The following RNF128 variants were observed in gnomAD, a reference collection of about 807,000 sequenced individuals.
The protein encoded by RNF128 is E3 ubiquitin-protein ligase RNF128.
In RNF128, 13 loss-of-function variants were observed where a neutral mutation model predicts 26.2. The observed-to-expected ratio is 0.50, with a 90% CI of 0.32 to 0.79. RNF128 has a LOEUF of 0.79. Ranked by LOEUF, RNF128 falls within the 30% of genes least tolerant of loss-of-function variation. RNF128 has a pLI of 0.03. For missense variants in RNF128, 315 were observed against 349.7 expected, an observed-to-expected ratio of 0.90 and a Z score of 0.79; for synonymous variants, 149 against 142.5, an observed-to-expected ratio of 1.05 and a Z score of -0.32.
chrX:106,771,498 T>TCA (rs1930369829), intron 1 of RNF128, among the ~76,000 whole-genome samples: 1 of 112,776 alleles, frequency 8.9e-6, no homozygotes, highest in African/African-American at 3.2e-5. Context: ...CAGTTTGATC[T>TCA]CAGACTGCTG....
intron 2 of RNF128, among the ~76,000 whole-genome samples, chrX:106,775,899 A>T (rs1930456713): frequency 1.8e-5 from 2 of 111,904 alleles, no homozygotes; most frequent in Admixed American, 1.9e-4. Flanking sequence ...AATGTCAGGA[A>T]ACTGATAACT....
At chrX:106,750,001 T>A (rs1929853868) in intron 1 of RNF128, among the ~76,000 whole-genome samples, 1 of 112,439 alleles carries the variant, frequency 8.9e-6, no homozygotes, top group Non-Finnish European at 1.9e-5. Context: ...TAGTTAAGCT[T>A]TTTTAAGACT....
At chrX:106,780,477 A>C (rs1930546322) in intron 2 of RNF128, among the ~76,000 whole-genome samples, 1 of 111,899 alleles carries the variant, frequency 8.9e-6, no homozygotes, top group South Asian at 3.7e-4. Flanking sequence ...GCCAACAACC[A>C]GCTTCTTTGA....
chrX:106,716,474 T>A (rs181793161), intron 1 of RNF128, among the ~76,000 whole-genome samples: 1 of 110,503 alleles, frequency 9.0e-6, no homozygotes, highest in African/African-American at 3.3e-5. Context: ...ATGAGGGAGT[T>A]TTTGTGGTAA....
chrX:106,716,738 G>C (rs957267744), intron 1 of RNF128, among the ~76,000 whole-genome samples: 4 of 110,697 alleles, frequency 3.6e-5, no homozygotes, highest in Non-Finnish European at 7.5e-5. Context: ...AAGATACATG[G>C]TCCCTTCTCT....
At chrX:106,767,553 C>T (rs1020756044) in intron 1 of RNF128, among the ~76,000 whole-genome samples, 5 of 111,663 alleles carry the variant, frequency 4.5e-5, no homozygotes, top group African/African-American at 1.3e-4. Flanking sequence ...GTGATTTTTG[C>T]ACATTGATTT....
intron 1 of RNF128, among the ~76,000 whole-genome samples, chrX:106,717,983 C>T (rs1444703132): frequency 8.9e-6 from 1 of 111,978 alleles, no homozygotes; most frequent in Non-Finnish European, 1.9e-5. Context: ...ATTATTGCCT[C>T]TGTCTTAGAA....
chrX:106,771,690 C>G (rs1446461423), intron 1 of RNF128, among the ~76,000 whole-genome samples: 1 of 112,625 alleles, frequency 8.9e-6, no homozygotes, highest in African/African-American at 3.2e-5. Flanking sequence ...TTCCCTGACC[C>G]CTTGCACTTC....
intron 1 of RNF128, among the ~76,000 whole-genome samples, chrX:106,755,766 A>G (rs774725409): frequency 1.1e-3 from 117 of 111,383 alleles, no homozygotes; most frequent in African/African-American, 3.4e-3. Context: ...AATAAAGGGT[A>G]TTCAATTAGG....
upstream of RNF128, among the ~76,000 whole-genome samples, chrX:106,722,237 C>T (rs1475443940): frequency 9.0e-6 from 1 of 111,286 alleles, no homozygotes; most frequent in Admixed American, 9.5e-5. Context: ...GGATGGGATG[C>T]TTGGTGAGGT....
chrX:106,764,520 A>G (rs1930180708), intron 1 of RNF128, among the ~76,000 whole-genome samples: 1 of 110,040 alleles, frequency 9.1e-6, no homozygotes, highest in Admixed American at 9.8e-5. Flanking sequence ...CACAAAAATT[A>G]GCTGGGTGTG....
At chrX:106,768,756 A>G (rs1400356824) in intron 1 of RNF128, among the ~76,000 whole-genome samples, 2 of 111,400 alleles carry the variant, frequency 1.8e-5, no homozygotes, top group African/African-American at 6.5e-5. Context: ...GCCTTCTGCC[A>G]GCTTTTGAAT....
intron 6 of RNF128, among the ~76,000 whole-genome samples, chrX:106,794,661 G>A (rs1410723400): frequency 9.0e-6 from 1 of 110,552 alleles, no homozygotes; most frequent in Admixed American, 9.7e-5. Context: ...ATTGCTATTG[G>A]CCCTTTTAGT....
chrX:106,742,089 C>A lies in RNF128; in HGVS notation c.484+14692C>A, dbSNP rs187891698. On this transcript the variant is annotated intron_variant, in intron 1 of 6. Transcript: ENST00000255499. Reference sequence around the variant, plus strand: ...AGTCTAAGACTGGTGGCTTGGAGACCAGCTAAGGGGTTGTTAATGGTGATT... The same window carrying A: ...AGTCTAAGACTGGTGGCTTGGAGACAAGCTAAGGGGTTGTTAATGGTGATT... Among the ~76,000 whole-genome samples the A allele has an allele frequency of 2.7e-5, 3 of 111,448 alleles. No homozygotes were observed. The Admixed American group carries it at 2.9e-4, about 11-fold the overall frequency.
intron 2 of RNF128, among the ~76,000 whole-genome samples, chrX:106,781,159 A>G: frequency 8.9e-6 from 1 of 111,732 alleles, no homozygotes; most frequent in Non-Finnish European, 1.9e-5. Context: ...ACTAAGGCCC[A>G]GTCCTCCAGC....
intron 1 of RNF128, among the ~76,000 whole-genome samples, chrX:106,768,451 T>C (rs1250603435): frequency 8.9e-6 from 1 of 111,797 alleles, no homozygotes; most frequent in Non-Finnish European, 1.9e-5. Flanking sequence ...TGGGAGGGTG[T>C]ATGTGTCGAG....
chrX:106,762,913 A>G (rs768043546), intron 1 of RNF128, among the ~76,000 whole-genome samples: 2 of 109,318 alleles, frequency 1.8e-5, no homozygotes, highest in African/African-American at 6.6e-5. Context: ...ATTGGGCACT[A>G]TGCTTATTAC....
At chrX:106,755,425 C>G (rs899265672) in intron 1 of RNF128, among the ~76,000 whole-genome samples, 2 of 110,606 alleles carry the variant, frequency 1.8e-5, no homozygotes, top group Non-Finnish European at 3.8e-5. Flanking sequence ...CAGTATTACC[C>G]TGATACCAAA....
chrX:106,699,132 T>C (rs1472470287), intron 1 of RNF128, among the ~76,000 whole-genome samples: 2 of 112,070 alleles, frequency 1.8e-5, no homozygotes, highest in Non-Finnish European at 3.8e-5. Context: ...ACCACTGCAA[T>C]AGCTTCTTAA....
Sources: allele counts gnomAD v4.1 joint callset (sites outside exome capture counted in the v4.1 genomes callset), GRCh38; gene constraint gnomAD v4.1.1; transcripts MANE v1.5; gene names NCBI Gene and HGNC (gene_info 2026-07-23, HGNC 2026-07-21).